RFC2: variants seen among roughly 807,000 people sequenced by gnomAD.
RFC2 encodes replication factor C subunit 2, also known as A1 40 kDa subunit.
A neutral mutation model predicts 44.8 loss-of-function variants in RFC2; 34 were observed. The ratio of observed to expected loss-of-function variants is 0.76; its 90% CI spans 0.58 to 1.01. RFC2 has a LOEUF of 1.01. RFC2 is among the 50% of genes least tolerant of loss of function. The pLI is 0.00. For missense variants in RFC2, 400 were observed against 453.6 expected, an observed-to-expected ratio of 0.88 and a Z score of 1.07; for synonymous variants, 177 against 168.9, an observed-to-expected ratio of 1.05 and a Z score of -0.37.
intron 2 of RFC2, among the ~76,000 whole-genome samples, chr7:74,250,146 G>A (rs1786837391): frequency 6.8e-6 from 1 of 146,562 alleles, no homozygotes; most frequent in Non-Finnish European, 1.5e-5. Flanking sequence ...GTGGGACCCT[G>A]TCTCAAAAAC....
intron 4 of RFC2, among the ~76,000 whole-genome samples, chr7:74,247,508 C>G (rs928952790): frequency 1.3e-5 from 2 of 152,184 alleles, no homozygotes; most frequent in Admixed American, 6.6e-5. Flanking sequence ...GGCGTGCCCG[C>G]GCACGCCTGT....
At chr7:74,239,848 C>A in intron 7 of RFC2, 90 bp downstream of exon 7, 1 of 1,245,584 alleles carries the variant, frequency 8.0e-7, no homozygotes, top group Non-Finnish European at 1.1e-6. Flanking sequence ...CTTGTTGTAC[C>A]TTGTGCAGCT....
chr7:74,252,545 A>G lies in RFC2; in HGVS notation c.114-47T>C, dbSNP rs1278724435. The G allele has an allele frequency of 3.6e-6, 4 of 1,111,584 alleles. No homozygotes were observed. The African/African-American group carries it at 4.6e-5, about 13-fold the overall frequency. The allele number at this position is 1,111,584 out of a possible 1,614,324, so 68.9% of individuals were successfully genotyped here. ...ATGCTGACATGGTTATCTTCACACT[A>G]CCCCACAAAAAGCACCTAAGGGTTA... On this transcript the variant is annotated intron_variant, in intron 1 of 10. Transcript: ENST00000055077.
rs1554718809 is a variant in RFC2, at chr7:74,238,997, G to C, written c.694-9C>G. ...TGCAGGTTGTTCAGCGCCTGTTCAG[G>C]AGCAAACACATGTCAAGGATGATTT... On this transcript the variant is annotated splice_polypyrimidine_tract_variant and intron_variant, in intron 7 of 10. Coordinates refer to ENST00000055077, the MANE Select transcript of RFC2 (RefSeq NM_181471.3). The surrounding 1 kb of genome is among the most constrained non-coding windows in gnomAD (Gnocchi z 4.0). The C allele has an allele frequency of 6.2e-7, 1 of 1,610,600 alleles. No individual in the cohort carries two copies. The highest frequency in any genetic ancestry group is 8.5e-7 in the Non-Finnish European group (1 of 1,177,006).
chr7:74,239,413 G>A (rs1220486091), intron 7 of RFC2, among the ~76,000 whole-genome samples: 5 of 151,730 alleles, frequency 3.3e-5, no homozygotes, highest in African/African-American at 1.2e-4. Context: ...CTCACTGCAA[G>A]GTCCGCCTCC....
intron 5 of RFC2, among the ~76,000 whole-genome samples, chr7:74,245,449 A>T (rs1803542335): frequency 6.6e-6 from 1 of 151,946 alleles, no homozygotes. Context: ...GCAGTGGCTC[A>T]CACCTATAAT....
At chr7:74,239,861 C>G in intron 7 of RFC2, 77 bp downstream of exon 7, 25 of 1,362,200 alleles carry the variant, frequency 1.8e-5, no homozygotes, top group Non-Finnish European at 2.3e-5. Context: ...GTGCAGCTGT[C>G]ACTTCCCTCC....
rs150851734 is a variant in RFC2 at position 74,254,369 on chromosome 7, G to T, written c.15C>A (p.Ala5=). The change falls in exon 1 of 11, where the codon GCC becomes GCA. Residue 5 remains alanine, a synonymous_variant. Coordinates refer to ENST00000055077, the MANE Select transcript of RFC2 (RefSeq NM_181471.3). MEVE[A]VCGGAGEVEA... is the part of the protein sequence containing the mutation. ...CCACCTCGCCCGCGCCACCACAGAC[G>T]GCCTCCACCTCCATTCTCGCGCCTC... 224 of 1,604,542 alleles carry T rather than the reference G, an allele frequency of 1.4e-4. 7 individuals are homozygous for T. The South Asian group carries it at 2.1e-3, about 15-fold the overall frequency.
chr7:74,243,075 C>G, intron 6 of RFC2, 71 bp downstream of exon 6: 1 of 977,796 alleles, frequency 1.0e-6, no homozygotes, highest in East Asian at 2.4e-5. Flanking sequence ...AGAGGGAGAC[C>G]ACATCTATAA....
chr7:74,233,606 T>G (rs1340382068), intron 10 of RFC2, among the ~76,000 whole-genome samples: 13 of 149,862 alleles, frequency 8.7e-5, no homozygotes, highest in African/African-American at 1.2e-4. Flanking sequence ...TTTTTTTTTT[T>G]TTTTTTTTTT....
At position 74,237,343 on chromosome 7, in the gene RFC2, C is replaced by G; in HGVS notation, c.840+19G>C. 1 of 1,585,070 alleles carries G rather than the reference C, an allele frequency of 6.3e-7. No individual in the cohort carries two copies. Among genetic ancestry groups the G allele is most frequent in the Non-Finnish European group, 8.6e-7 (1 of 1,161,422 alleles). ...GAAGTGAGCGGTTCCTCTGCCAGGA[C>G]GGGGGGAAGGAGGCCAACCTTGTAG... On this transcript the variant is annotated intron_variant, in intron 9 of 10. Transcript: ENST00000055077.
intron 10 of RFC2, among the ~76,000 whole-genome samples, chr7:74,232,665 G>T (rs1261066381): frequency 1.3e-5 from 2 of 152,106 alleles, no homozygotes; most frequent in African/African-American, 4.8e-5. Context: ...AGGAGTTCGA[G>T]ATCAGCCTGA....
In RFC2 at chr7:74,241,683, G is replaced by C. The variant is rs148709268; in HGVS notation, c.535+1463C>G. Among the ~76,000 whole-genome samples the C allele has an allele frequency of 1.0e-3, 154 of 152,336 alleles. 1 individual carries two copies. The highest frequency in any genetic ancestry group is 3.4e-3 in the Middle Eastern group (1 of 294). ...GTGTCAGAAAGAGAAGGATGGGCCA[G>C]CCGTGGTGGCTCACGCCTATAATCC... is the stretch of plus-strand genomic sequence containing the variant. On this transcript the variant is annotated intron_variant, in intron 6 of 10. Transcript: ENST00000055077.
At position 74,232,115 on chromosome 7, in the gene RFC2, C is replaced by T. The variant is rs1802759998; in HGVS notation, c.1056G>A (p.Val352=). The T allele has an allele frequency of 6.2e-7, 1 of 1,602,042 alleles. No homozygotes were observed. Among genetic ancestry groups the T allele is most frequent in the Non-Finnish European group, 8.6e-7 (1 of 1,168,960 alleles). The stretch of plus-strand genomic sequence containing the variant: ...CAGTGAAGTCTCTGCTCTAACTGGC[C>T]ACCGGGGCCATTGTCTTCTGACACA... ...ARLCQKTMAP[V]AS is the part of the protein sequence containing the mutation. Residue 352 remains valine (V), a synonymous_variant, in exon 11 of 11, where the codon GTG becomes GTA. Coordinates refer to ENST00000055077, the MANE Select transcript of RFC2 (RefSeq NM_181471.3).
chr7:74,234,767 G>T (rs1330413407), intron 10 of RFC2, among the ~76,000 whole-genome samples: 1 of 152,070 alleles, frequency 6.6e-6, no homozygotes, highest in Non-Finnish European at 1.5e-5. Flanking sequence ...GGTGGTCTCT[G>T]CATGCACAGG....
At chr7:74,247,421 C>A (rs1563997155) in intron 4 of RFC2, among the ~76,000 whole-genome samples, 2 of 152,172 alleles carry the variant, frequency 1.3e-5, no homozygotes, top group Non-Finnish European at 2.9e-5. Context: ...GGTGGGCGGA[C>A]CACTCCAGGC....
At chr7:74,245,873 C>T (rs1803573914) in intron 5 of RFC2, among the ~76,000 whole-genome samples, 1 of 151,488 alleles carries the variant, frequency 6.6e-6, no homozygotes, top group African/African-American at 2.4e-5. Flanking sequence ...CCAGCCTGGC[C>T]AACATGGCGA....
At position 74,238,848 on chromosome 7, in the gene RFC2, A is replaced by G. The variant is rs1378133704; in HGVS notation, c.759+75T>C. ...AGATGTCCGTCCCCACTGCCAGCCC[A>G]GCCCTTCAGCCCCACTGGCCCCCAC... is the stretch of plus-strand genomic sequence containing the variant. On this transcript the variant is annotated intron_variant, in intron 8 of 10. Coordinates refer to ENST00000055077, the MANE Select transcript of RFC2 (RefSeq NM_181471.3). This position sits in a 1 kb window ranked among gnomAD's most constrained non-coding sequence, Gnocchi z 4.0. 1.5e-5 allele frequency: 18 copies of G among 1,236,020 alleles called. No homozygotes were observed. The highest frequency in any genetic ancestry group is 1.9e-5 in the Non-Finnish European group (16 of 839,406). 76.6% of individuals were successfully genotyped at this position (1,236,020 alleles called of 1,614,324 possible).
rs577282248 is a variant in RFC2 at position 74,233,882 on chromosome 7, C to T, written c.954+1650G>A. On this transcript the variant is annotated intron_variant, in intron 10 of 10. Coordinates refer to ENST00000055077, the MANE Select transcript of RFC2 (RefSeq NM_181471.3). Reference sequence around the variant, plus strand: ...ACGTGCTGCAGCCACTTCGGAAAACCGTTTGGCAGTTCCTTATCGAGTAAA... The same window carrying T: ...ACGTGCTGCAGCCACTTCGGAAAACTGTTTGGCAGTTCCTTATCGAGTAAA... 59 of 456,616 alleles carry T rather than the reference C, an allele frequency of 1.3e-4. No individual in the cohort carries two copies. In the Middle Eastern group the frequency reaches 1.6e-3, roughly 13 times the overall value. The allele number at this position is 456,616 out of a possible 1,614,324, so 28.3% of individuals were successfully genotyped here.
Sources: gnomAD v4.1 joint callset for allele counts (sites outside exome capture counted in the v4.1 genomes callset) on GRCh38, gnomAD v4.1.1 for gene constraint, Gnocchi (gnomAD v3.1) non-coding constraint, MANE v1.5 for transcripts, NCBI Gene and HGNC (gene_info 2026-07-23, HGNC 2026-07-21) for gene names.